The following HSD17B13 variants were observed in gnomAD, a reference collection of about 807,000 sequenced individuals.
HSD17B13 encodes the protein 17-beta-hydroxysteroid dehydrogenase 13.
A neutral mutation model predicts 31.1 loss-of-function variants in HSD17B13; 26 were observed. That is an observed-to-expected ratio of 0.84 (90% CI 0.61 to 1.16). The LOEUF (loss-of-function observed/expected upper bound fraction) is 1.16, where lower values mean the gene tolerates loss of function less well. Ranked by LOEUF, HSD17B13 falls within the 50% of genes most tolerant of loss-of-function variation. The pLI is 0.00. For missense variants in HSD17B13, 374 were observed against 366.5 expected (o/e 1.02, Z -0.17); for synonymous variants, 141 against 133.7 (o/e 1.05, Z -0.38).
At chr4:87,320,154 A>T (rs1734747168) in intron 1 of HSD17B13, among the ~76,000 whole-genome samples, 1 of 152,210 alleles carries the variant, frequency 6.6e-6, no homozygotes, top group Admixed American at 6.5e-5. Context: ...CCAAACATGG[A>T]TGTTAGGACC....
rs1193564513 is a variant in HSD17B13 at position 87,318,453 on chromosome 4, A to G, written c.211-17T>C. ...CACACCGCGCTGTAATTAGGAAGAA[A>G]CAAATTCCGAAAAAAGTGGAGGAGA... On this transcript the variant is annotated splice_polypyrimidine_tract_variant and intron_variant, in intron 1 of 6. Transcript: ENST00000328546. 6.2e-7 allele frequency: 1 copy of G among 1,609,100 alleles called. No homozygotes were observed. The highest frequency in any genetic ancestry group is 8.5e-7 in the Non-Finnish European group (1 of 1,175,482).
intron 3 of HSD17B13, among the ~76,000 whole-genome samples, chr4:87,316,050 A>G (rs966461657): frequency 8.5e-5 from 13 of 152,196 alleles, no homozygotes; most frequent in African/African-American, 3.1e-4. Context: ...ACACCACACT[A>G]ATGAATCATG....
chr4:87,309,956 T>C (rs1734490218), intron 6 of HSD17B13, among the ~76,000 whole-genome samples: 3 of 152,086 alleles, frequency 2.0e-5, no homozygotes. Context: ...GGTCAGGAGT[T>C]CGAGTCCAGC....
At chr4:87,315,689 C>CG in intron 3 of HSD17B13, 90 bp from the exon 4 acceptor site, 1 of 656,470 alleles carries the variant, frequency 1.5e-6, no homozygotes, top group South Asian at 2.1e-5. Context: ...GACAGAAAGG[C>CG]ATTTGAGAGA....
At chr4:87,307,608 G>T (rs1266883265) in intron 6 of HSD17B13, among the ~76,000 whole-genome samples, 1 of 152,128 alleles carries the variant, frequency 6.6e-6, no homozygotes, top group African/African-American at 2.4e-5. Context: ...CGCCTTCCGG[G>T]TTCAAGGGAT....
intron 6 of HSD17B13, 119 bp downstream of exon 6, chr4:87,310,124 C>T: frequency 7.8e-7 from 1 of 1,277,582 alleles, no homozygotes; most frequent in African/African-American, 1.6e-5. Flanking sequence ...AAGATCATGC[C>T]ACTGCAACCA....
intron 1 of HSD17B13, among the ~76,000 whole-genome samples, chr4:87,320,195 C>G (rs973343958): frequency 5.3e-5 from 8 of 152,012 alleles, no homozygotes; most frequent in Non-Finnish European, 8.8e-5. Context: ...CCTCAAATAG[C>G]CTTTTGTGGG....
rs757535191 is a variant in HSD17B13, at chr4:87,322,718, T to G, written c.124A>C (p.Thr42Pro). 1.9e-6 allele frequency: 3 copies of G among 1,614,024 alleles called. No individual in the cohort carries two copies. The highest frequency in any genetic ancestry group is 2.5e-6 in the Non-Finnish European group (3 of 1,180,016). The change falls in exon 1 of 7, where the codon ACT becomes CCT. Residue 42 changes from threonine to proline, a missense_variant. Transcript: ENST00000328546. The part of the protein sequence containing the change: ...KSVAGEIVLI[T>P]GAGHGIGRQT... ...CTGCCTATTCCATGCCCAGCTCCAG[T>G]AATGAGAACAATCTCCCCAGCCACA...
In HSD17B13 at chr4:87,317,943, GAAGACT is replaced by G. The variant is rs527494143; in HGVS notation, c.318+380_318+385del. ...AATTATTAATATTACATTTTCTACA[GAAGACT>G]ACATTAACACCAAAATAAAATCTCA... On this transcript the variant is annotated intron_variant, in intron 2 of 6. Coordinates refer to ENST00000328546, the MANE Select transcript of HSD17B13 (RefSeq NM_178135.5). Among the ~76,000 whole-genome samples the G allele has an allele frequency of 2.6e-4, 40 of 152,118 alleles. No individual in the cohort carries two copies. In the East Asian group the frequency reaches 7.3e-3, roughly 28 times the overall value.
At chr4:87,322,502 C>T in intron 1 of HSD17B13, 130 bp downstream of exon 1, 1 of 697,350 alleles carries the variant, frequency 1.4e-6, no homozygotes, top group Non-Finnish European at 2.5e-6. Context: ...CATATACAGA[C>T]TAAGGGACCA....
chr4:87,307,649 A>T (rs2110097033), intron 6 of HSD17B13, among the ~76,000 whole-genome samples: 1 of 152,208 alleles, frequency 6.6e-6, no homozygotes, highest in Admixed American at 6.5e-5. Context: ...TTACAGGTGC[A>T]GGCCACTATG....
rs774741984 is a variant in HSD17B13, at chr4:87,313,924, A to T, written c.594T>A (p.Gly198=). The change falls in exon 5 of 7, where the codon GGT becomes GGA. Residue 198 remains glycine, a synonymous_variant. Coordinates refer to ENST00000328546, the MANE Select transcript of HSD17B13 (RefSeq NM_178135.5). Reference sequence around the variant, plus strand: ...CCAAGGCCTGAAGTTCTGATGTCAGACCTCTGTGAAAGCCAACAGCGGCAA... The same window carrying T: ...CCAAGGCCTGAAGTTCTGATGTCAGTCCTCTGTGAAAGCCAACAGCGGCAA... The part of the protein sequence containing the change: ...SKFAAVGFHR[G]LTSELQALGK... 6.3e-7 allele frequency: 1 copy of T among 1,598,202 alleles called. No individual in the cohort carries two copies. The highest frequency in any genetic ancestry group is 8.5e-7 in the Non-Finnish European group (1 of 1,174,302).
chr4:87,304,549 A>G lies in HSD17B13; in HGVS notation c.*669T>C, dbSNP rs1307248148. Reference sequence around the variant, plus strand: ...AACTTAAAATTCTGAGATTTAAAATAGAGTCGGTCACCTTTCATAATGTAT... The same window carrying G: ...AACTTAAAATTCTGAGATTTAAAATGGAGTCGGTCACCTTTCATAATGTAT... On this transcript the variant is annotated 3_prime_UTR_variant, in exon 7 of 7. Transcript: ENST00000328546. 6.6e-6 allele frequency: 1 copy of G among 152,196 alleles called. No homozygotes were observed. The highest frequency in any genetic ancestry group is 1.9e-4 in the East Asian group (1 of 5,204). The allele number at this position is 152,196 out of a possible 1,614,324, so 9.4% of individuals were successfully genotyped here.
chr4:87,312,449 G>A (rs147517809), intron 5 of HSD17B13, among the ~76,000 whole-genome samples: 1 of 151,006 alleles, frequency 6.6e-6, no homozygotes, highest in Non-Finnish European at 1.5e-5. Flanking sequence ...CTAAAGGGCT[G>A]CTCTCAGGCT....
chr4:87,305,129 T>A lies in HSD17B13; in HGVS notation c.*89A>T. 1.3e-6 allele frequency: 1 copy of A among 769,060 alleles called. No homozygotes were observed. The highest frequency in any genetic ancestry group is 2.0e-6 in the Non-Finnish European group (1 of 508,052). The allele number at this position is 769,060 out of a possible 1,614,324, so 47.6% of individuals were successfully genotyped here. ...CCAATGTTTTTAATATTATCAGGAC[T>A]GAAAAAATGTGAAATAAAGCTTTGC... On this transcript the variant is annotated 3_prime_UTR_variant, in exon 7 of 7. Transcript: ENST00000328546.
intron 6 of HSD17B13, among the ~76,000 whole-genome samples, 163 bp from the exon 7 acceptor site, chr4:87,305,471 T>C (rs1012299946): frequency 5.5e-5 from 8 of 144,976 alleles, no homozygotes; most frequent in African/African-American, 1.9e-4. Flanking sequence ...TACGTGTGCA[T>C]CTTTCTTTTT....
Position 87,305,225 on chromosome 4 carries a change from A to G in HSD17B13, c.896T>C (p.Met299Thr). 6.3e-7 allele frequency: 1 copy of G among 1,597,886 alleles called. No homozygotes were observed. The highest frequency in any genetic ancestry group is 2.2e-5 in the East Asian group (1 of 44,716). Reference sequence around the variant, plus strand: ...TGGCTGGAGCTTATTTATTCATTTCATTTTGATTTTGTGGCCAACCACTGC... The same window carrying G: ...TGGCTGGAGCTTATTTATTCATTTCGTTTTGATTTTGTGGCCAACCACTGC... ...FEAVVGHKIK[M>T]K The change falls in exon 7 of 7, where the codon ATG (methionine) becomes ACG (threonine). Residue 299 changes from methionine (M) to threonine (T), a missense_variant. Transcript: ENST00000328546.
chr4:87,312,080 T>G (rs1340200807), intron 5 of HSD17B13, among the ~76,000 whole-genome samples: 1 of 152,104 alleles, frequency 6.6e-6, no homozygotes, highest in Non-Finnish European at 1.5e-5. Context: ...CCATTATCCT[T>G]ACTCCCCTCA....
chr4:87,320,336 C>CAG (rs1235119609), intron 1 of HSD17B13, among the ~76,000 whole-genome samples: 3 of 151,310 alleles, frequency 2.0e-5, no homozygotes, highest in Non-Finnish European at 4.4e-5. Context: ...CATAAGTTAC[C>CAG]AGAGCATTCA....
Sources: allele counts gnomAD v4.1 joint callset (sites outside exome capture counted in the v4.1 genomes callset), GRCh38; gene constraint gnomAD v4.1.1; transcripts MANE v1.5; gene names NCBI Gene and HGNC (gene_info 2026-07-23, HGNC 2026-07-21).